Variants in ARID1B observed in about 807,000 individuals in gnomAD.
ARID1B encodes the protein AT-rich interaction domain 1B, also known as AT-rich interactive domain-containing protein 1B.
ARID1B carries 30 observed loss-of-function variants against 212.3 expected under a neutral mutation model. The ratio of observed to expected loss-of-function variants is 0.14; its 90% confidence interval spans 0.11 to 0.19. The LOEUF (loss-of-function observed/expected upper bound fraction) is 0.19. Ranked by LOEUF, ARID1B falls within the 10% of genes least tolerant of loss-of-function variation. The probability of loss-of-function intolerance (pLI) is 1.00; values close to 1 mark genes in which losing one functional copy is unlikely to be tolerated. For missense variants in ARID1B, 2,891 were observed against 3,204.0 expected, an observed-to-expected ratio of 0.90 and a Z score of 2.36; for synonymous variants, 1,402 against 1,301.7, an observed-to-expected ratio of 1.08 and a Z score of -1.66.
At chr6:156,913,432 T>C (rs947742888) in intron 3 of ARID1B, among the ~76,000 whole-genome samples, 8 of 152,032 alleles carry the variant, frequency 5.3e-5, no homozygotes, top group Non-Finnish European at 1.0e-4. Flanking sequence ...TTGGCCAGGC[T>C]GGTCTTGAAC....
intron 5 of ARID1B, among the ~76,000 whole-genome samples, chr6:157,100,518 T>C (rs1280316165): frequency 6.6e-6 from 1 of 152,218 alleles, no homozygotes; most frequent in African/African-American, 2.4e-5. Context: ...GCAAGTGAAA[T>C]AGAAAACACT....
rs150374245 is a variant in ARID1B at position 156,902,921 on chromosome 6, T to A, written c.2136+1396T>A. On this transcript the variant is annotated intron_variant, in intron 3 of 19. Coordinates refer to ENST00000636930, the MANE Select transcript of ARID1B (RefSeq NM_001374828.1). ...CTGGAGTTTTGATAAAGTTATAACC[T>A]TTTTCAAGGGGCTTTCAGAGCCTTA... 1.1e-3 allele frequency among the ~76,000 whole-genome samples: 171 copies of A among 152,192 alleles called. 2 individuals are homozygous for A. Among genetic ancestry groups the A allele is most frequent in the African/African-American group, 3.9e-3 (160 of 41,544 alleles).
chr6:156,934,521 C>T (rs1353270051), intron 3 of ARID1B, among the ~76,000 whole-genome samples: 3 of 151,998 alleles, frequency 2.0e-5, no homozygotes, highest in African/African-American at 7.3e-5. Context: ...TTGTTTTATT[C>T]TTTATGATGG....
At chr6:157,002,200 TC>T (rs1247859069) in intron 4 of ARID1B, among the ~76,000 whole-genome samples, 16 of 152,346 alleles carry the variant, frequency 1.1e-4, no homozygotes, top group Admixed American at 1.0e-3. Context: ...CAACTTGATA[TC>T]TTGAGATAAA....
Position 156,777,792 on chromosome 6 carries a change from C to G in ARID1B, c.112C>G (p.Arg38Gly). 1 of 943,654 alleles carries G rather than the reference C, an allele frequency of 1.1e-6. No individual in the cohort carries two copies. Among genetic ancestry groups the G allele is most frequent in the Non-Finnish European group, 1.3e-6 (1 of 795,906 alleles). The allele number at this position is 943,654 out of a possible 1,614,324, so 58.5% of individuals were successfully genotyped here. A position where few individuals can be genotyped will look rare whatever the true frequency, so the allele number is the denominator to read the frequency against. ...CGGGCCGCGGCCGGCGCCCGGAGCC[C>G]GGGACCTGGAGGCGGGGGCGCGCGG... ...PPGPRPAPGA[R>G]DLEAGARGAA... is the part of the protein sequence containing the mutation. The change falls in exon 1 of 20, where the codon CGG (arginine) becomes GGG (glycine). Residue 38 changes from arginine (R) to glycine (G), a missense_variant. Physicochemically the swap from Arg to Gly is moderately radical, Grantham distance 125. Transcript: ENST00000636930.
intron 4 of ARID1B, among the ~76,000 whole-genome samples, chr6:156,996,866 A>G (rs1212879684): frequency 1.3e-5 from 2 of 152,174 alleles, no homozygotes; most frequent in East Asian, 3.8e-4. Flanking sequence ...TAAATCACAC[A>G]TTTGCCTGAA....
At chr6:157,042,744 C>T (rs1781972372) in intron 4 of ARID1B, among the ~76,000 whole-genome samples, 1 of 151,462 alleles carries the variant, frequency 6.6e-6, no homozygotes, top group African/African-American at 2.4e-5. Context: ...CTGCAGCCTC[C>T]ACTTCCCAGG....
intron 5 of ARID1B, 115 bp downstream of exon 5, chr6:157,085,020 G>A: frequency 1.5e-6 from 2 of 1,330,862 alleles, no homozygotes; most frequent in Non-Finnish European, 2.0e-6. Flanking sequence ...CATATTAAGA[G>A]TATAACTGAA....
chr6:157,179,321 C>T (rs1792339510), intron 11 of ARID1B, among the ~76,000 whole-genome samples: 1 of 152,112 alleles, frequency 6.6e-6, no homozygotes, highest in Non-Finnish European at 1.5e-5. Context: ...TGAGGTGCTG[C>T]CCGGATGAGA....
chr6:156,779,257 C>G lies in ARID1B; in HGVS notation c.1577C>G (p.Pro526Arg). 4 of 1,181,788 alleles carry G rather than the reference C, an allele frequency of 3.4e-6. No individual in the cohort carries two copies. The highest frequency in any genetic ancestry group is 3.2e-6 in the Non-Finnish European group (3 of 951,066). 73.2% of individuals were successfully genotyped at this position (1,181,788 alleles called of 1,614,324 possible). ...GGCAGCTACCCCGAGTACAGCAGCC[C>G]CAGCGCGCCGCCGCCGCCGCCGTCG... is the stretch of plus-strand genomic sequence containing the variant. ...YGGSYPEYSS[P>R]SAPPPPPSQP... The change falls in exon 1 of 20, where the codon CCC becomes CGC. Residue 526 changes from proline (P) to arginine (R), a missense_variant. Pro to Arg is a moderately radical substitution (Grantham distance 103). Transcript: ENST00000636930.
At chr6:157,029,236 G>A (rs1193344027) in intron 4 of ARID1B, among the ~76,000 whole-genome samples, 1 of 152,184 alleles carries the variant, frequency 6.6e-6, no homozygotes, top group East Asian at 1.9e-4. Context: ...ATGCATGCAA[G>A]CATGTATCAC....
chr6:157,133,236 GGCA>G (rs1183943716), intron 7 of ARID1B, 29 bp downstream of exon 7: 1 of 1,552,454 alleles, frequency 6.4e-7, no homozygotes. Context: ...CAAAATGCAT[GGCA>G]GCAAGTTGTA....
chr6:156,867,282 C>A (rs752268805), intron 2 of ARID1B, among the ~76,000 whole-genome samples: 1 of 152,120 alleles, frequency 6.6e-6, no homozygotes, highest in Non-Finnish European at 1.5e-5. Flanking sequence ...TAGGTACTGG[C>A]GGCAGTCCTG....
At chr6:157,037,173 C>G (rs766133692) in intron 4 of ARID1B, among the ~76,000 whole-genome samples, 29 of 152,060 alleles carry the variant, frequency 1.9e-4, no homozygotes, top group Non-Finnish European at 4.1e-4. Context: ...AAATTTTGCC[C>G]CAGTTTGGGG....
chr6:156,975,587 T>A (rs1266917748), intron 4 of ARID1B, among the ~76,000 whole-genome samples: 4 of 151,680 alleles, frequency 2.6e-5, no homozygotes, highest in Admixed American at 6.6e-5. Flanking sequence ...GGATATAGAA[T>A]TTTAGTTTGA....
chr6:156,787,357 G>A (rs531264811), intron 1 of ARID1B, among the ~76,000 whole-genome samples: 4 of 152,276 alleles, frequency 2.6e-5, no homozygotes, highest in Admixed American at 6.5e-5. Flanking sequence ...TTCAGAAAGC[G>A]AGGCATTGAT....
At chr6:156,854,885 T>G (rs1784812727) in intron 2 of ARID1B, among the ~76,000 whole-genome samples, 1 of 152,242 alleles carries the variant, frequency 6.6e-6, no homozygotes, top group African/African-American at 2.4e-5. Context: ...TAAGAATAAA[T>G]GAACAAAATG....
chr6:156,993,074 C>G (rs1290829148), intron 4 of ARID1B, among the ~76,000 whole-genome samples: 1 of 143,888 alleles, frequency 6.9e-6, no homozygotes, highest in Non-Finnish European at 1.5e-5. Context: ...GATGGAGTCT[C>G]TCTCTGTGGC....
chr6:156,778,903 GAGGAGGAGGAGCAGGAGCAGGAGGAGC>G lies in ARID1B; in HGVS notation c.1229_1255del (p.Gly410_Gly418del), dbSNP rs1406433310. 18 of 1,369,624 alleles carry G rather than the reference GAGGAGGAGGAGCAGGAGCAGGAGGAGC, an allele frequency of 1.3e-5. No homozygotes were observed. Among genetic ancestry groups the G allele is most frequent in the Non-Finnish European group, 9.4e-7 (1 of 1,063,438 alleles). The allele number at this position is 1,369,624 out of a possible 1,614,324, so 84.8% of individuals were successfully genotyped here. On this transcript the variant is annotated inframe_deletion, in exon 1 of 20. Coordinates refer to ENST00000636930, the MANE Select transcript of ARID1B (RefSeq NM_001374828.1). ...GGAGGAGGCAGCGGAGGAGGAGGAG[GAGGAGGAGGAGCAGGAGCAGGAGGAGC>G]AGGAGCGGGAGCTGTGGCGGCGGCG...
Sources: gnomAD v4.1 joint callset for allele counts (sites outside exome capture counted in the v4.1 genomes callset) on GRCh38, gnomAD v4.1.1 for gene constraint, MANE v1.5 for transcripts, NCBI Gene and HGNC (gene_info 2026-07-23, HGNC 2026-07-21) for gene names.